ITPR2: variants seen among roughly 807,000 people sequenced by gnomAD.
ITPR2 encodes the protein inositol 1,4,5-trisphosphate-gated calcium channel ITPR2.
In ITPR2, 207 loss-of-function variants were observed where a neutral mutation model predicts 317.1. The observed-to-expected ratio is 0.65, with a 90% CI of 0.58 to 0.73. The LOEUF is 0.73. Ranked by LOEUF, ITPR2 falls within the 30% of genes least tolerant of loss-of-function variation. The probability of loss-of-function intolerance (pLI) is 0.00; values close to 1 mark genes in which losing one functional copy is unlikely to be tolerated. For synonymous variants in ITPR2, 1,156 were observed against 1,149.1 expected (o/e 1.01, Z -0.12); for missense variants, 2,613 against 3,284.0 (o/e 0.80, Z 4.99).
intron 2 of ITPR2, among the ~76,000 whole-genome samples, chr12:26,728,218 G>A (rs577113371): frequency 1.1e-3 from 175 of 152,284 alleles, no homozygotes; most frequent in African/African-American, 4.1e-3. Flanking sequence ...AGTAGGGATG[G>A]AACTGGGGCC....
At chr12:26,725,226 G>A (rs1032191457) in intron 3 of ITPR2, among the ~76,000 whole-genome samples, 14 of 152,062 alleles carry the variant, frequency 9.2e-5, no homozygotes, top group African/African-American at 3.4e-4. Context: ...AAAGTACCAG[G>A]AATTTTAATG....
chr12:26,340,090 T>C (rs925880125), intron 56 of ITPR2, 77 bp downstream of exon 56: 4 of 1,399,008 alleles, frequency 2.9e-6, no homozygotes, highest in Non-Finnish European at 3.8e-6. Flanking sequence ...CCTGGCTCCC[T>C]GGACCCTCTG....
chr12:26,411,097 ATCC>A, intron 52 of ITPR2: 2 of 479,138 alleles, frequency 4.2e-6, no homozygotes, highest in Non-Finnish European at 7.6e-6. Context: ...AATGTGCTAA[ATCC>A]TCCTGAATAG....
At chr12:26,414,023 GA>G (rs1565513157) in intron 51 of ITPR2, among the ~76,000 whole-genome samples, 1 of 145,216 alleles carries the variant, frequency 6.9e-6, no homozygotes, top group Non-Finnish European at 1.5e-5. Context: ...GAGGTTTTGG[GA>G]AGCAGATAGT....
chr12:26,435,224 A>G, intron 48 of ITPR2, among the ~76,000 whole-genome samples: 1 of 152,190 alleles, frequency 6.6e-6, no homozygotes, highest in Non-Finnish European at 1.5e-5. Flanking sequence ...CATCTGAAAT[A>G]GGCTGAAATA....
Position 26,715,749 on chromosome 12 carries a change from T to G in ITPR2, c.708+3A>C. On this transcript the variant is annotated splice_donor_region_variant and intron_variant, in intron 7 of 56. Transcript: ENST00000381340. ...GCAAATGTCCTGTGTAGCACATACT[T>G]ACTCCTTTTAATACATCCTCTCGAT... 1.3e-6 allele frequency: 2 copies of G among 1,562,542 alleles called. No individual in the cohort carries two copies. The highest frequency in any genetic ancestry group is 1.8e-6 in the Non-Finnish European group (2 of 1,134,660).
intron 21 of ITPR2, among the ~76,000 whole-genome samples, chr12:26,651,878 G>T (rs1947264100): frequency 6.6e-6 from 1 of 152,080 alleles, no homozygotes; most frequent in South Asian, 2.1e-4. Context: ...CTTTTGTCTT[G>T]TGGTATTCTA....
chr12:26,757,360 T>G (rs891205279), intron 2 of ITPR2, among the ~76,000 whole-genome samples: 6 of 151,908 alleles, frequency 3.9e-5, no homozygotes, highest in Non-Finnish European at 7.4e-5. Flanking sequence ...GGATTATAGG[T>G]GCCCACCACC....
chr12:26,756,503 T>C (rs2137115713), intron 2 of ITPR2, among the ~76,000 whole-genome samples: 1 of 152,354 alleles, frequency 6.6e-6, no homozygotes, highest in Middle Eastern at 3.4e-3. Context: ...AATGTATTGC[T>C]GTTGTAGTCT....
intron 35 of ITPR2, among the ~76,000 whole-genome samples, chr12:26,556,772 TAAA>T (rs762624049): frequency 0.016 from 1,553 of 94,638 alleles, 17 homozygotes; most frequent in Non-Finnish European, 0.025. Flanking sequence ...GGGAACAGCT[TAAA>T]AAAAAAAAAA....
intron 1 of ITPR2, 68 bp from the exon 2 acceptor site, chr12:26,790,295 G>T: frequency 8.5e-7 from 1 of 1,175,666 alleles, no homozygotes. Flanking sequence ...ACTGCACATG[G>T]ATATTGCATA....
intron 37 of ITPR2, among the ~76,000 whole-genome samples, chr12:26,546,202 A>C (rs1420803766): frequency 6.6e-6 from 1 of 152,212 alleles, no homozygotes; most frequent in Non-Finnish European, 1.5e-5. Flanking sequence ...GTAGTGATCA[A>C]GTCAGTGTAT....
At chr12:26,643,938 G>A (rs978144666) in intron 21 of ITPR2, among the ~76,000 whole-genome samples, 2 of 152,214 alleles carry the variant, frequency 1.3e-5, no homozygotes, top group Admixed American at 1.3e-4. Flanking sequence ...CTGTTTGGAA[G>A]TGTGGCCAAG....
chr12:26,398,822 CT>C, intron 54 of ITPR2, 53 bp downstream of exon 54: 1 of 1,470,156 alleles, frequency 6.8e-7, no homozygotes. Flanking sequence ...TCTAGCCCCT[CT>C]TTCCTGCAAA....
At chr12:26,709,447 T>C (rs145297240) in intron 9 of ITPR2, among the ~76,000 whole-genome samples, 1 of 152,332 alleles carries the variant, frequency 6.6e-6, no homozygotes, top group Non-Finnish European at 1.5e-5. Context: ...TCAAATCTTT[T>C]CAAGGAATGA....
intron 32 of ITPR2, among the ~76,000 whole-genome samples, chr12:26,593,206 AC>A (rs1285590368): frequency 6.6e-6 from 1 of 152,206 alleles, no homozygotes; most frequent in African/African-American, 2.4e-5. Context: ...CACCTGCAGC[AC>A]CACTTAGGAA....
At chr12:26,355,233 T>C (rs1938599357) in intron 55 of ITPR2, among the ~76,000 whole-genome samples, 2 of 152,236 alleles carry the variant, frequency 1.3e-5, no homozygotes, top group African/African-American at 2.4e-5. Context: ...ATACTCATCG[T>C]ACATGCTGAT....
At chr12:26,759,347 C>T (rs907151110) in intron 2 of ITPR2, among the ~76,000 whole-genome samples, 1 of 152,124 alleles carries the variant, frequency 6.6e-6, no homozygotes, top group African/African-American at 2.4e-5. Context: ...AATCAAACAA[C>T]ATATGACCAA....
At chr12:26,723,561 G>C (rs1354771051) in intron 4 of ITPR2, among the ~76,000 whole-genome samples, 2 of 152,192 alleles carry the variant, frequency 1.3e-5, no homozygotes, top group Non-Finnish European at 2.9e-5. Flanking sequence ...TCAGGTTGCA[G>C]GTTTCACATT....
Sources: allele counts gnomAD v4.1 joint callset (sites outside exome capture counted in the v4.1 genomes callset), GRCh38; gene constraint gnomAD v4.1.1; transcripts MANE v1.5; gene names NCBI Gene and HGNC (gene_info 2026-07-23, HGNC 2026-07-21).